Variants in SLC14A2 observed in about 807,000 individuals in gnomAD.
SLC14A2 encodes the protein urea transporter 2.
SLC14A2 carries 91 observed loss-of-function variants against 104.6 expected under a neutral mutation model. That is an observed-to-expected ratio of 0.87 (90% CI 0.73 to 1.04). The LOEUF (loss-of-function observed/expected upper bound fraction) is 1.04. Among genes scored for constraint, SLC14A2 ranks in the 50% least tolerant of loss-of-function variants. The pLI, the probability that SLC14A2 is intolerant of heterozygous loss-of-function variation, is 0.00. For missense variants in SLC14A2, 1,189 were observed against 1,156.0 expected, an observed-to-expected ratio of 1.03 and a Z score of -0.41; for synonymous variants, 476 against 466.4, an observed-to-expected ratio of 1.02 and a Z score of -0.27.
intron 1 of SLC14A2, among the ~76,000 whole-genome samples, chr18:45,416,366 A>G (rs2086277717): frequency 1.3e-5 from 2 of 151,296 alleles, no homozygotes; most frequent in Admixed American, 6.6e-5. Flanking sequence ...TAACCTTGTC[A>G]TGTGAGCGTT....
the SLC14A2 span, among the ~76,000 whole-genome samples, chr18:45,195,455 G>A: frequency 3.9e-5 from 6 of 152,070 alleles, no homozygotes; most frequent in Non-Finnish European, 5.9e-5. Context: ...GCAGTGGTGC[G>A]ATCTTGGCTC....
intron 11 of SLC14A2, among the ~76,000 whole-genome samples, chr18:45,664,790 G>A (rs560127483): frequency 2.6e-5 from 4 of 152,294 alleles, no homozygotes; most frequent in Admixed American, 1.3e-4. Flanking sequence ...GGGGATTGCC[G>A]AGGACATTGC....
At chr18:45,301,322 C>T (rs554155755) in intron 1 of SLC14A2, among the ~76,000 whole-genome samples, 5 of 152,330 alleles carry the variant, frequency 3.3e-5, no homozygotes, top group Admixed American at 1.3e-4. Flanking sequence ...TTTGCTGCAT[C>T]GGTCTCCTGT....
chr18:45,197,036 C>A, the SLC14A2 span, among the ~76,000 whole-genome samples: 1 of 152,086 alleles, frequency 6.6e-6, no homozygotes, highest in African/African-American at 2.4e-5. Context: ...TTCAGAAATC[C>A]GGAGGAAAAA....
At chr18:45,636,939 G>A (rs2045425189) in intron 5 of SLC14A2, 51 bp from the exon 6 acceptor site, 3 of 1,466,006 alleles carry the variant, frequency 2.0e-6, no homozygotes, top group African/African-American at 2.8e-5. Context: ...CTGAGACAAT[G>A]TAGACCTCAG....
intron 2 of SLC14A2, among the ~76,000 whole-genome samples, chr18:45,591,133 AT>A (rs1275043117): frequency 6.6e-6 from 1 of 151,858 alleles, no homozygotes; most frequent in African/African-American, 2.4e-5. Flanking sequence ...TTGGAGGTGT[AT>A]TTTTTTATTT....
At chr18:45,398,584 G>GC (rs1287837050) in intron 1 of SLC14A2, among the ~76,000 whole-genome samples, 22 of 101,872 alleles carry the variant, frequency 2.2e-4, no homozygotes, top group Admixed American at 1.1e-3. Flanking sequence ...ACAAATTGTG[G>GC]TTATATACAT....
the SLC14A2 span, among the ~76,000 whole-genome samples, chr18:45,191,523 A>G: frequency 6.6e-6 from 1 of 152,224 alleles, no homozygotes; most frequent in Admixed American, 6.5e-5. Flanking sequence ...CATGTCCCAA[A>G]GGAAATGACA....
intron 1 of SLC14A2, among the ~76,000 whole-genome samples, chr18:45,229,994 TAA>T (rs1226768407): frequency 6.6e-6 from 1 of 152,206 alleles, no homozygotes; most frequent in Non-Finnish European, 1.5e-5. Flanking sequence ...GGGTCAACAA[TAA>T]AACATATCTC....
At chr18:45,565,570 A>G (rs1436703637) in intron 2 of SLC14A2, among the ~76,000 whole-genome samples, 1 of 152,188 alleles carries the variant, frequency 6.6e-6, no homozygotes, top group East Asian at 1.9e-4. Flanking sequence ...AGTCTGACAC[A>G]TGAGGACGAT....
intron 2 of SLC14A2, among the ~76,000 whole-genome samples, chr18:45,502,472 T>C (rs2043213536): frequency 6.6e-6 from 1 of 152,202 alleles, no homozygotes; most frequent in Non-Finnish European, 1.5e-5. Flanking sequence ...AAAATGCATC[T>C]TATTCCCATA....
At chr18:45,613,140 T>C (rs8088212), upstream of SLC14A2, among the ~76,000 whole-genome samples, 5,283 of 152,194 alleles carry the variant, frequency 0.035, 312 homozygotes, top group African/African-American at 0.12. Context: ...GTCCACACAA[T>C]TCTCCTGCCT....
intron 18 of SLC14A2, 151 bp downstream of exon 18, chr18:45,673,968 T>C (rs2046185898): frequency 2.2e-6 from 2 of 891,714 alleles, no homozygotes; most frequent in Admixed American, 5.1e-5. Context: ...AAGACGGTGG[T>C]GGAGGTTTGA....
upstream of SLC14A2, among the ~76,000 whole-genome samples, chr18:45,208,931 A>C (rs1468345624): frequency 6.6e-6 from 1 of 151,848 alleles, no homozygotes; most frequent in Non-Finnish European, 1.5e-5. Flanking sequence ...ATTATTAATA[A>C]GGAACATTGT....
chr18:45,373,236 C>G (rs1411597694), intron 1 of SLC14A2, among the ~76,000 whole-genome samples: 1 of 152,202 alleles, frequency 6.6e-6, no homozygotes, highest in Non-Finnish European at 1.5e-5. Context: ...TTCTCCTTCT[C>G]TCTTAGTAGG....
At chr18:45,569,584 A>G (rs560828072) in intron 2 of SLC14A2, among the ~76,000 whole-genome samples, 1 of 152,388 alleles carries the variant, frequency 6.6e-6, no homozygotes, top group South Asian at 2.1e-4. Flanking sequence ...TCAATATTCT[A>G]TGAAATAAGG....
chr18:45,534,611 A>C (rs535935101), intron 2 of SLC14A2, among the ~76,000 whole-genome samples: 3 of 152,328 alleles, frequency 2.0e-5, no homozygotes, highest in African/African-American at 7.2e-5. Context: ...TTTAGAGTTC[A>C]TCTGGTCCAA....
At chr18:45,220,767 A>ATAGACTAGG (rs1352103889) in intron 1 of SLC14A2, among the ~76,000 whole-genome samples, 2 of 152,220 alleles carry the variant, frequency 1.3e-5, no homozygotes, top group Non-Finnish European at 2.9e-5. Flanking sequence ...ACAAAGTACC[A>ATAGACTAGG]TAGACTAGGT....
chr18:45,175,335 A>G, the SLC14A2 span, among the ~76,000 whole-genome samples: 1 of 152,084 alleles, frequency 6.6e-6, no homozygotes, highest in Admixed American at 6.6e-5. Flanking sequence ...AAAGCTCCCC[A>G]AGATATTTTT....
Sources: gnomAD v4.1 joint callset for allele counts (sites outside exome capture counted in the v4.1 genomes callset) on GRCh38, gnomAD v4.1.1 for gene constraint, MANE v1.5 for transcripts, NCBI Gene and HGNC (gene_info 2026-07-23, HGNC 2026-07-21) for gene names.